The following RB1CC1 variants were observed in gnomAD, a reference collection of about 807,000 sequenced individuals.
The protein encoded by RB1CC1 is RB1-inducible coiled-coil protein 1.
RB1CC1 carries 46 observed loss-of-function variants against 177.5 expected under a neutral mutation model. The observed-to-expected ratio is 0.26, with a 90% CI of 0.20 to 0.33. RB1CC1 has a LOEUF of 0.33. RB1CC1 is among the 10% of genes least tolerant of loss of function. The pLI is 1.00. For synonymous variants in RB1CC1, 666 were observed against 613.6 expected, an observed-to-expected ratio of 1.09 and a Z score of -1.26; for missense variants, 1,703 against 1,816.3, an observed-to-expected ratio of 0.94 and a Z score of 1.13.
intron 1 of RB1CC1, among the ~76,000 whole-genome samples, chr8:52,704,002 T>G (rs1856331633): frequency 6.6e-6 from 1 of 152,160 alleles, no homozygotes; most frequent in South Asian, 2.1e-4. Flanking sequence ...CATGATCCCA[T>G]GAAACTGAAT....
In RB1CC1 at chr8:52,644,880, C is replaced by T. The variant is rs187216993; in HGVS notation, c.3987+822G>A. Among the ~76,000 whole-genome samples, 189 of 152,276 alleles carry T rather than the reference C, an allele frequency of 1.2e-3. 1 individual carries two copies. Among genetic ancestry groups the T allele is most frequent in the South Asian group, 2.1e-3 (10 of 4,828 alleles). On this transcript the variant is annotated intron_variant, in intron 16 of 23. Transcript: ENST00000025008. Reference sequence around the variant, plus strand: ...TATGCAGTTTCAGAAATGTATCCCTCAAAATGTATACCCCAAACTGCAATA... The same window carrying T: ...TATGCAGTTTCAGAAATGTATCCCTTAAAATGTATACCCCAAACTGCAATA...
chr8:52,654,768 G>A (rs1018977066), intron 15 of RB1CC1, among the ~76,000 whole-genome samples: 8 of 151,950 alleles, frequency 5.3e-5, no homozygotes, highest in African/African-American at 9.7e-5. Context: ...ACAAATTATC[G>A]TCCCCACCCT....
At chr8:52,655,575 T>C (rs886867036) in intron 15 of RB1CC1, among the ~76,000 whole-genome samples, 1 of 152,136 alleles carries the variant, frequency 6.6e-6, no homozygotes, top group Non-Finnish European at 1.5e-5. Flanking sequence ...ACACTCTACA[T>C]GTTCCTATGA....
intron 1 of RB1CC1, among the ~76,000 whole-genome samples, chr8:52,701,491 C>G (rs1856049725): frequency 6.6e-6 from 1 of 152,130 alleles, no homozygotes; most frequent in Admixed American, 6.5e-5. Context: ...TGCCTGAACA[C>G]TCTGATCCAG....
intron 15 of RB1CC1, 151 bp downstream of exon 15, chr8:52,655,857 A>C: frequency 3.5e-6 from 2 of 564,920 alleles, no homozygotes; most frequent in African/African-American, 1.9e-5. Flanking sequence ...TTTGCAAGAA[A>C]CACTGACTAA....
chr8:52,627,936 C>T, intron 22 of RB1CC1, 96 bp downstream of exon 22: 1 of 1,134,586 alleles, frequency 8.8e-7, no homozygotes, highest in Non-Finnish European at 1.2e-6. Context: ...CTCTTAGTGA[C>T]TTAATTCTTA....
chr8:52,688,510 C>G (rs1854497489), intron 1 of RB1CC1, among the ~76,000 whole-genome samples: 1 of 152,164 alleles, frequency 6.6e-6, no homozygotes, highest in Non-Finnish European at 1.5e-5. Flanking sequence ...CCTAGTAAAT[C>G]TGTGGTCAGA....
chr8:52,676,645 A>G, intron 5 of RB1CC1, 74 bp from the exon 6 acceptor site: 2 of 1,354,898 alleles, frequency 1.5e-6, no homozygotes, highest in Non-Finnish European at 2.1e-6. Flanking sequence ...ATATGTTTAC[A>G]AACATGTACG....
chr8:52,702,795 T>C (rs547882763), intron 1 of RB1CC1, among the ~76,000 whole-genome samples: 27 of 152,084 alleles, frequency 1.8e-4, no homozygotes, highest in African/African-American at 5.5e-4. Context: ...AAATTTCCAT[T>C]CTCTAATCTG....
rs190270505 is a variant in RB1CC1 at position 52,630,429 on chromosome 8, T to C, written c.4499+41A>G. On this transcript the variant is annotated intron_variant, in intron 21 of 23. Coordinates refer to ENST00000025008, the MANE Select transcript of RB1CC1 (RefSeq NM_014781.5). ...ACATTTTCATTAACAATTCAGTGAA[T>C]GTTTTTCACAGAAAAATACTCACAA... is the stretch of plus-strand genomic sequence containing the variant. The C allele has an allele frequency of 1.2e-4, 187 of 1,528,104 alleles. 1 individual carries two copies. The highest frequency in any genetic ancestry group is 3.4e-4 in the East Asian group (14 of 41,230). 94.7% of individuals were successfully genotyped at this position (1,528,104 alleles called of 1,614,324 possible).
intron 1 of RB1CC1, among the ~76,000 whole-genome samples, chr8:52,688,783 C>A (rs1223418302): frequency 1.3e-5 from 2 of 152,244 alleles, no homozygotes; most frequent in Non-Finnish European, 2.9e-5. Flanking sequence ...GAGGCTTATG[C>A]GGGCATCACT....
intron 5 of RB1CC1, among the ~76,000 whole-genome samples, chr8:52,682,959 T>A (rs1286011564): frequency 2.0e-5 from 3 of 152,194 alleles, no homozygotes; most frequent in Non-Finnish European, 4.4e-5. Context: ...TATTTATTTT[T>A]ACAAAAGGTA....
rs548110514 is a variant in RB1CC1 at position 52,678,193 on chromosome 8, C to T, written c.370-1622G>A. On this transcript the variant is annotated intron_variant, in intron 5 of 23. Transcript: ENST00000025008. ...TAGTACTTTGGGAGGCTGAGGCGGG[C>T]GATCACCTGCGGTCAGGAGTTTGAG... Among the ~76,000 whole-genome samples the T allele has an allele frequency of 1.5e-3, 228 of 152,060 alleles. 3 individuals carry two copies. The South Asian group carries it at 0.016, about 11-fold the overall frequency.
chr8:52,662,942 TC>T lies in RB1CC1; in HGVS notation c.1174-1224del, dbSNP rs571485317. ...GAATCCATGAAAAATATAGAATCAA[TC>T]CCAAATTTAAATTCTAGACCATTAG... On this transcript the variant is annotated intron_variant, in intron 8 of 23. Transcript: ENST00000025008. 1.3e-3 allele frequency among the ~76,000 whole-genome samples: 199 copies of T among 152,160 alleles called. 2 individuals carry two copies. The highest frequency in any genetic ancestry group is 1.3e-3 in the East Asian group (7 of 5,188).
chr8:52,657,733 G>GT lies in RB1CC1; in HGVS notation c.2095dup (p.Thr699AsnfsTer3). Reference sequence around the variant, plus strand: ...ATGGGGAATAGTTTCAAAATCAAACGTATGTGCATCAATACTATCTGGAGA... The same window carrying GT: ...ATGGGGAATAGTTTCAAAATCAAACGTTATGTGCATCAATACTATCTGGAGA... On this transcript the variant is annotated frameshift_variant, in exon 15 of 24. Transcript: ENST00000025008. LOFTEE classifies it high-confidence loss of function. The GT allele has an allele frequency of 6.2e-7, 1 of 1,614,000 alleles. No homozygotes were observed. The highest frequency in any genetic ancestry group is 8.5e-7 in the Non-Finnish European group (1 of 1,179,988).
intron 23 of RB1CC1, 97 bp downstream of exon 23, chr8:52,624,616 CATAA>C: frequency 1.1e-6 from 1 of 940,222 alleles, no homozygotes; most frequent in Non-Finnish European, 1.6e-6. Flanking sequence ...CTGAAATGAG[CATAA>C]AGGCCAAGAA....
At chr8:52,706,164 T>C (rs1258752379) in intron 1 of RB1CC1, among the ~76,000 whole-genome samples, 1 of 151,006 alleles carries the variant, frequency 6.6e-6, no homozygotes, top group Non-Finnish European at 1.5e-5. Context: ...GATGACACCC[T>C]ATACATTACA....
At chr8:52,658,780 C>T in intron 13 of RB1CC1, 93 bp downstream of exon 13, 1 of 778,720 alleles carries the variant, frequency 1.3e-6, no homozygotes, top group Non-Finnish European at 1.9e-6. Flanking sequence ...TATCTTGGCA[C>T]CTCTTAAGAT....
In RB1CC1 at chr8:52,642,280, C is replaced by T. The variant is rs1370346716; in HGVS notation, c.4337+71G>A. The T allele has an allele frequency of 2.6e-6, 4 of 1,516,848 alleles. No individual in the cohort carries two copies. In the Admixed American group the frequency reaches 6.4e-5, roughly 24 times the overall value. 94.0% of individuals were successfully genotyped at this position (1,516,848 alleles called of 1,614,324 possible). On this transcript the variant is annotated intron_variant, in intron 18 of 23. Coordinates refer to ENST00000025008, the MANE Select transcript of RB1CC1 (RefSeq NM_014781.5). ...ACAACCAGTAATGCTAAAAATATTT[C>T]CTCTCTTCAGAGCTTTATAACTCAT...
Sources: gnomAD v4.1 joint callset for allele counts (sites outside exome capture counted in the v4.1 genomes callset) on GRCh38, gnomAD v4.1.1 for gene constraint, MANE v1.5 for transcripts, NCBI Gene and HGNC (gene_info 2026-07-23, HGNC 2026-07-21) for gene names.